The following PPFIA3 variants were observed in gnomAD, a reference collection of about 807,000 sequenced individuals.
PPFIA3 encodes the protein liprin-alpha-3.
PPFIA3 carries 26 observed loss-of-function variants against 145.8 expected under a neutral mutation model. The ratio of observed to expected loss-of-function variants is 0.18; its 90% CI spans 0.13 to 0.25. The LOEUF is 0.25. Ranked by LOEUF, PPFIA3 falls within the 10% of genes least tolerant of loss-of-function variation. The pLI is 1.00. For missense variants in PPFIA3, 1,008 were observed against 1,587.8 expected, an observed-to-expected ratio of 0.63 and a Z score of 6.21; for synonymous variants, 645 against 661.4, an observed-to-expected ratio of 0.98 and a Z score of 0.38.
At chr19:49,139,539 G>T in intron 16 of PPFIA3, 129 bp from the exon 17 acceptor site, 1 of 729,606 alleles carries the variant, frequency 1.4e-6, no homozygotes, top group Non-Finnish European at 2.0e-6. Context: ...ACTTGAGCTA[G>T]ACTACCTTCG....
In PPFIA3 at chr19:49,149,715, G is replaced by A. The variant is rs1476353780; in HGVS notation, c.3523G>A (p.Glu1175Lys). 2.4e-5 allele frequency: 38 copies of A among 1,604,250 alleles called. No homozygotes were observed. The highest frequency in any genetic ancestry group is 3.2e-5 in the Non-Finnish European group (38 of 1,175,548). Residue 1175 changes from glutamate (E) to lysine (K), a missense_variant, in exon 28 of 30, where the codon GAA becomes AAA. Glu to Lys is a moderately conservative substitution (Grantham distance 56). Around this residue, in one of 11 missense-constraint regions of PPFIA3, gnomAD observed 125 missense variants for 159.3 expected, o/e 0.78. Transcript: ENST00000334186. The surrounding 1 kb of genome is among the most constrained non-coding windows in gnomAD (Gnocchi z 5.7). ...PGLPLRKLQP[E>K]GQTSGSSRAD... ...GCTCCCTCTCCGCAAGCTGCAGCCA[G>A]AAGGTGGGGGGCTCCCAAATGCGAC...
chr19:49,147,539 T>C (rs937628991), intron 23 of PPFIA3, among the ~76,000 whole-genome samples: 7 of 151,600 alleles, frequency 4.6e-5, no homozygotes, highest in Non-Finnish European at 8.8e-5. Context: ...ATACAAAAAT[T>C]AGCCGGGCGT....
intron 15 of PPFIA3, 88 bp downstream of exon 15, chr19:49,136,999 C>G (rs918733741): frequency 8.7e-6 from 11 of 1,269,682 alleles, no homozygotes; most frequent in East Asian, 5.2e-5. Flanking sequence ...AAGCCTGAGT[C>G]CGTCTCCTCT....
chr19:49,124,791 C>T (rs529317899), intron 1 of PPFIA3, among the ~76,000 whole-genome samples: 41 of 151,960 alleles, frequency 2.7e-4, no homozygotes, highest in Admixed American at 5.2e-4. Context: ...TGGGGCTGGG[C>T]GCGGTGGCTC....
intron 1 of PPFIA3, among the ~76,000 whole-genome samples, chr19:49,126,712 T>G (rs1040361182): frequency 6.6e-6 from 1 of 152,010 alleles, no homozygotes; most frequent in African/African-American, 2.4e-5. Flanking sequence ...GGTAACCACA[T>G]CCTAGTGACC....
chr19:49,149,265 G>A lies in PPFIA3; in HGVS notation c.3294G>A (p.Gln1098=), dbSNP rs189315713. Residue 1098 remains glutamine (Q), a synonymous_variant, in exon 27 of 30, where the codon CAG becomes CAA. Coordinates refer to ENST00000334186, the MANE Select transcript of PPFIA3 (RefSeq NM_003660.4). This position sits in a 1 kb window ranked among gnomAD's most constrained non-coding sequence, Gnocchi z 5.7. ...CCACCTCCTCTTTCCAGGCCCGGCA[G>A]CTTCTGGAGAAGGAATTCAGCAACC... ...QIPTQNAQAR[Q]LLEKEFSNLI... is the part of the protein sequence containing the mutation. 4.7e-4 allele frequency: 763 copies of A among 1,614,210 alleles called. 9 individuals carry two copies. The East Asian group carries it at 0.015, about 33-fold the overall frequency.
In PPFIA3 at chr19:49,127,948, C is replaced by CG; in HGVS notation, c.79dup (p.Glu27GlyfsTer142). The CG allele has an allele frequency of 6.3e-7, 1 of 1,594,228 alleles. No individual in the cohort carries two copies. Among genetic ancestry groups the CG allele is most frequent in the Non-Finnish European group, 8.5e-7 (1 of 1,177,976 alleles). Reference sequence around the variant, plus strand: ...CGGCGCTGGGCCCGGACGAGGCGGGCGGGGAGCTGGAGCGCCTCATGGTCA... The same window carrying CG: ...CGGCGCTGGGCCCGGACGAGGCGGGCGGGGGAGCTGGAGCGCCTCATGGTCA... On this transcript the variant is annotated frameshift_variant, in exon 2 of 30. Transcript: ENST00000334186. LOFTEE classifies it high-confidence loss of function.
rs564522359 is a variant in PPFIA3 at position 49,138,656 on chromosome 19, CAAGTTTCTGCATAGGATTTTAAA to C, written c.2076+239_2076+261del. 2.7e-3 allele frequency among the ~76,000 whole-genome samples: 415 copies of C among 152,302 alleles called. 5 individuals are homozygous for C. Among genetic ancestry groups the C allele is most frequent in the South Asian group, 0.014 (67 of 4,822 alleles). On this transcript the variant is annotated intron_variant, in intron 16 of 29. Coordinates refer to ENST00000334186, the MANE Select transcript of PPFIA3 (RefSeq NM_003660.4). ...TGGTCTACTTTTATTTCTCATGCGT[CAAGTTTCTGCATAGGATTTTAAA>C]AAGTTTCTGGCTGGGTGCGGTGGCT...
Position 49,128,336 on chromosome 19 carries a change from G to C in PPFIA3, c.241-31G>C. 3.1e-6 allele frequency: 5 copies of C among 1,607,482 alleles called. No homozygotes were observed. Among genetic ancestry groups the C allele is most frequent in the Non-Finnish European group, 4.3e-6 (5 of 1,174,002 alleles). On this transcript the variant is annotated intron_variant, in intron 2 of 29. Coordinates refer to ENST00000334186, the MANE Select transcript of PPFIA3 (RefSeq NM_003660.4). This position sits in a 1 kb window ranked among gnomAD's most constrained non-coding sequence, Gnocchi z 4.1. ...AAGGAGACAGGGAAAGGATTGAGCC[G>C]AATGTCCAGATCCTGCCAATGTCTG... is the stretch of plus-strand genomic sequence containing the variant.
rs2041115417 is a variant in PPFIA3, at chr19:49,134,620, T to C, written c.1378-19T>C. 1.9e-6 allele frequency: 3 copies of C among 1,612,650 alleles called. No individual in the cohort carries two copies. Among genetic ancestry groups the C allele is most frequent in the Non-Finnish European group, 2.5e-6 (3 of 1,179,240 alleles). ...GGCCCCTCAGGCCTCACTCCCTCAC[T>C]TCACCTCTGTCTCCACAGAACTCCC... On this transcript the variant is annotated intron_variant, in intron 11 of 29. Transcript: ENST00000334186.
intron 24 of PPFIA3, 104 bp from the exon 25 acceptor site, chr19:49,148,562 C>T (rs2041305739): frequency 5.3e-6 from 5 of 951,500 alleles, no homozygotes; most frequent in Middle Eastern, 2.9e-4. Context: ...TATCAGCTCC[C>T]CACCCTTTCC....
In PPFIA3 at chr19:49,129,445, C is replaced by G. The variant is rs2041042669; in HGVS notation, c.573C>G (p.Ser191Arg). ...TGCTCGAGGAGGAGCTGGAACTGAG[C>G]AATCAGGAGGTGTGGGTGTGGCCAA... ...VAVLEEELEL[S>R]NQETLNLREQ... Residue 191 changes from serine (S) to arginine (R), a missense_variant, in exon 5 of 30, where the codon AGC becomes AGG. Around this residue, in one of 11 missense-constraint regions of PPFIA3, gnomAD observed 136 missense variants for 160.7 expected, o/e 0.85. Coordinates refer to ENST00000334186, the MANE Select transcript of PPFIA3 (RefSeq NM_003660.4). 1.3e-6 allele frequency: 2 copies of G among 1,553,372 alleles called. No homozygotes were observed. Among genetic ancestry groups the G allele is most frequent in the Admixed American group, 3.9e-5 (2 of 51,096 alleles).
intron 16 of PPFIA3, among the ~76,000 whole-genome samples, chr19:49,138,906 G>A (rs2041174471): frequency 6.6e-6 from 1 of 152,064 alleles, no homozygotes. Flanking sequence ...AAGAGGCAGA[G>A]TTTGCAGTGA....
rs1179774201 is a variant in PPFIA3 at position 49,132,408 on chromosome 19, A to AG, written c.880-593_880-592insG. ...TCTCTCTCAAAAAAAAAAAAAAAAAAAAAAAAAAAAAAGAAAGAGAGAGAG... is the reference window on the plus strand; with the variant it reads ...TCTCTCTCAAAAAAAAAAAAAAAAAAGAAAAAAAAAAAAGAAAGAGAGAGAG... On this transcript the variant is annotated intron_variant, in intron 7 of 29. Transcript: ENST00000334186. Among the ~76,000 whole-genome samples, 291 of 149,994 alleles carry AG rather than the reference A, an allele frequency of 1.9e-3. 3 individuals are homozygous for AG. The highest frequency in any genetic ancestry group is 6.9e-3 in the African/African-American group (280 of 40,814).
At chr19:49,142,712 T>G (rs1418200249) in intron 20 of PPFIA3, 92 bp from the exon 21 acceptor site, 230 of 614,998 alleles carry the variant, frequency 3.7e-4, no homozygotes, top group East Asian at 1.1e-3. Flanking sequence ...CCCCACCCCC[T>G]TGCCTTTCCC....
At position 49,150,336 on chromosome 19, in the gene PPFIA3, C is replaced by T. The variant is rs2041333200; in HGVS notation, c.*114C>T. On this transcript the variant is annotated 3_prime_UTR_variant, in exon 30 of 30. Transcript: ENST00000334186. ...GGAGAGCGGGCGGGGGAGCTCGCGC[C>T]GAGGACTGGACCATCTGTACAGACC... 9.6e-6 allele frequency: 6 copies of T among 624,662 alleles called. No individual in the cohort carries two copies. The highest frequency in any genetic ancestry group is 2.0e-5 in the South Asian group (1 of 50,762). The allele number at this position is 624,662 out of a possible 1,614,324, so 38.7% of individuals were successfully genotyped here.
chr19:49,143,018 G>A lies in PPFIA3; in HGVS notation c.2745+14G>A. The A allele has an allele frequency of 6.3e-7, 1 of 1,598,334 alleles. No homozygotes were observed. Among genetic ancestry groups the A allele is most frequent in the Non-Finnish European group, 8.5e-7 (1 of 1,174,760 alleles). On this transcript the variant is annotated intron_variant, in intron 21 of 29. Transcript: ENST00000334186. ...TCCTCCCGCACTGTGAGTGTCCGGC[G>A]GCCAATTCCAGCCTTCGCTTCCTCA... is the stretch of plus-strand genomic sequence containing the variant.
chr19:49,128,660 T>A lies in PPFIA3; in HGVS notation c.343-188T>A. 1.3e-6 allele frequency: 1 copy of A among 755,572 alleles called. No individual in the cohort carries two copies. Among genetic ancestry groups the A allele is most frequent in the Non-Finnish European group, 2.1e-6 (1 of 474,000 alleles). 46.8% of individuals were successfully genotyped at this position (755,572 alleles called of 1,614,324 possible). The stretch of plus-strand genomic sequence containing the variant: ...TGCCACTCCTTCCTCCCTGTCTCCA[T>A]AACTTTTCTCTTTTCTGTACCACCG... On this transcript the variant is annotated intron_variant, in intron 3 of 29. Transcript: ENST00000334186. The surrounding 1 kb of genome is among the most constrained non-coding windows in gnomAD (Gnocchi z 4.1).
At chr19:49,125,940 TTTG>T (rs1307056037) in intron 1 of PPFIA3, among the ~76,000 whole-genome samples, 7 of 150,062 alleles carry the variant, frequency 4.7e-5, no homozygotes, top group South Asian at 2.1e-4. Flanking sequence ...TTTGTTTTTT[TTTG>T]TTTGTTTGTT....
Sources: allele counts gnomAD v4.1 joint callset (sites outside exome capture counted in the v4.1 genomes callset), GRCh38; gene constraint gnomAD v4.1.1; regional missense constraint gnomAD v4.1.1; non-coding constraint Gnocchi (gnomAD v3.1); transcripts MANE v1.5; gene names NCBI Gene and HGNC (gene_info 2026-07-23, HGNC 2026-07-21).